Variants in DAB1 observed in about 807,000 individuals in gnomAD.
The protein encoded by DAB1 is DAB adaptor protein 1.
A neutral mutation model predicts 64.6 loss-of-function variants in DAB1; 15 were observed. The observed-to-expected ratio is 0.23, with a 90% confidence interval of 0.16 to 0.36. DAB1 has a LOEUF of 0.36. Among genes scored for constraint, DAB1 ranks in the 10% least tolerant of loss-of-function variants. The pLI, the probability that DAB1 is intolerant of heterozygous loss-of-function variation, is 1.00. For missense variants in DAB1, 596 were observed against 706.7 expected, an observed-to-expected ratio of 0.84 and a Z score of 1.78; for synonymous variants, 235 against 251.9, an observed-to-expected ratio of 0.93 and a Z score of 0.64.
At chr1:58,453,080 AAAC>A (rs1645156231) in intron 3 of DAB1, among the ~76,000 whole-genome samples, 1 of 152,222 alleles carries the variant, frequency 6.6e-6, no homozygotes. Flanking sequence ...AAACAACAAC[AAAC>A]AACATGGATG....
chr1:57,481,571 C>T (rs2101241302), intron 7 of DAB1, among the ~76,000 whole-genome samples: 1 of 152,266 alleles, frequency 6.6e-6, no homozygotes, highest in Non-Finnish European at 1.5e-5. Flanking sequence ...AATCCCAGCA[C>T]TTTGGGAGGC....
chr1:57,091,735 A>T (rs999545781), intron 4 of DAB1, among the ~76,000 whole-genome samples: 1 of 152,226 alleles, frequency 6.6e-6, no homozygotes, highest in Non-Finnish European at 1.5e-5. Flanking sequence ...TATCTGTAAA[A>T]CATGGATAAC....
intron 1 of DAB1, among the ~76,000 whole-genome samples, chr1:57,389,638 AG>A (rs1048912310): frequency 6.6e-6 from 1 of 152,176 alleles, no homozygotes; most frequent in African/African-American, 2.4e-5. Context: ...AATGGAGGGA[AG>A]GAGAAAGAGA....
intron 5 of DAB1, among the ~76,000 whole-genome samples, chr1:57,951,791 C>A (rs1231017853): frequency 6.6e-6 from 1 of 152,078 alleles, no homozygotes; most frequent in Non-Finnish European, 1.5e-5. Flanking sequence ...TGGTGGGGAG[C>A]ATTTGAACCA....
chr1:57,950,988 T>C lies in DAB1; in HGVS notation n.388-66826A>G, dbSNP rs1645264476. Reference sequence around the variant, plus strand: ...TTGCTATACTGAATGCAGAATAAGTTCTCAGCTATGCCAGGCTAAGGAACT... The same window carrying C: ...TTGCTATACTGAATGCAGAATAAGTCCTCAGCTATGCCAGGCTAAGGAACT... On this transcript the variant is annotated intron_variant and non_coding_transcript_variant, in intron 5 of 20. Coordinates refer to the DAB1 transcript ENST00000485760. Among the ~76,000 whole-genome samples the C allele has an allele frequency of 2.0e-5, 3 of 152,126 alleles. No homozygotes were observed. The South Asian group carries it at 6.2e-4, about 31-fold the overall frequency.
At chr1:57,618,577 G>T (rs1185699624) in intron 7 of DAB1, among the ~76,000 whole-genome samples, 2 of 152,130 alleles carry the variant, frequency 1.3e-5, no homozygotes, top group African/African-American at 2.4e-5. Flanking sequence ...CCTGTCCACA[G>T]GGGAGCTTAG....
At chr1:57,512,044 C>T (rs1644412328) in intron 7 of DAB1, among the ~76,000 whole-genome samples, 1 of 152,140 alleles carries the variant, frequency 6.6e-6, no homozygotes, top group Non-Finnish European at 1.5e-5. Context: ...GAGATAGAAA[C>T]TATGTCCTCC....
intron 3 of DAB1, among the ~76,000 whole-genome samples, chr1:58,384,829 G>C (rs909543853): frequency 4.6e-5 from 7 of 152,198 alleles, no homozygotes; most frequent in East Asian, 1.9e-4. Flanking sequence ...AAAGATGAAG[G>C]CTGGAAGACT....
chr1:58,060,795 C>T (rs899035424), intron 5 of DAB1, among the ~76,000 whole-genome samples: 58 of 152,238 alleles, frequency 3.8e-4, no homozygotes, highest in African/African-American at 1.4e-3. Flanking sequence ...AACATTAGCC[C>T]GAGCAGTGTC....
chr1:58,275,204 A>G (rs1425191765), intron 4 of DAB1, among the ~76,000 whole-genome samples: 2 of 152,248 alleles, frequency 1.3e-5, no homozygotes, highest in East Asian at 1.9e-4. Flanking sequence ...AGATGTAAAT[A>G]TAAGACCTAA....
chr1:57,414,953 T>C (rs1343137765), intron 1 of DAB1, among the ~76,000 whole-genome samples: 1 of 152,148 alleles, frequency 6.6e-6, no homozygotes, highest in African/African-American at 2.4e-5. Flanking sequence ...TCTATAAGTT[T>C]GATAAAACTC....
chr1:57,009,965 T>C (rs1646213414), intron 14 of DAB1, among the ~76,000 whole-genome samples: 1 of 152,198 alleles, frequency 6.6e-6, no homozygotes, highest in African/African-American at 2.4e-5. Flanking sequence ...GCCTCAGAAG[T>C]GAGTGCTACA....
chr1:57,428,669 A>C (rs141560283), upstream of DAB1, among the ~76,000 whole-genome samples: 184 of 152,204 alleles, frequency 1.2e-3, 2 homozygotes, highest in East Asian at 0.035. Context: ...ATTCCTTCAG[A>C]TATATACCCA....
intron 6 of DAB1, among the ~76,000 whole-genome samples, chr1:57,805,983 A>T (rs764712385): frequency 2.0e-5 from 3 of 152,178 alleles, no homozygotes; most frequent in Non-Finnish European, 2.9e-5. Flanking sequence ...ACTCTTAACA[A>T]ATTAGGTAAT....
intron 5 of DAB1, among the ~76,000 whole-genome samples, chr1:58,116,139 C>A (rs980426952): frequency 2.0e-5 from 3 of 152,294 alleles, no homozygotes; most frequent in African/African-American, 7.2e-5. Context: ...TAGAAGTCTG[C>A]TGAAAAAATT....
chr1:57,945,806 T>C (rs1645176445), intron 5 of DAB1, among the ~76,000 whole-genome samples: 1 of 152,178 alleles, frequency 6.6e-6, no homozygotes, highest in African/African-American at 2.4e-5. Flanking sequence ...AATAGAAACT[T>C]ATTCTGAACC....
chr1:58,481,194 T>A (rs1557434208), intron 3 of DAB1: 4 of 754,534 alleles, frequency 5.3e-6, no homozygotes, highest in Admixed American at 2.2e-5. Context: ...AATAATAAAA[T>A]AAAAAAATAC....
At chr1:57,657,298 A>G (rs1273470818) in intron 6 of DAB1, among the ~76,000 whole-genome samples, 1 of 152,230 alleles carries the variant, frequency 6.6e-6, no homozygotes, top group Non-Finnish European at 1.5e-5. Context: ...TGAGGGTAGC[A>G]GAGCCAGCAT....
intron 7 of DAB1, among the ~76,000 whole-genome samples, chr1:57,570,599 G>A (rs868341540): frequency 5.3e-5 from 8 of 152,066 alleles, no homozygotes; most frequent in Admixed American, 1.3e-4. Flanking sequence ...GTTTGAAGTC[G>A]GGTAATGTGA....
Sources: gnomAD v4.1 joint callset for allele counts (sites outside exome capture counted in the v4.1 genomes callset) on GRCh38, gnomAD v4.1.1 for gene constraint, MANE v1.5 for transcripts, NCBI Gene and HGNC (gene_info 2026-07-23, HGNC 2026-07-21) for gene names.